The following ZNRF3 variants were observed in gnomAD, a reference collection of about 807,000 sequenced individuals.
The protein encoded by ZNRF3 is E3 ubiquitin-protein ligase ZNRF3.
A neutral mutation model predicts 72.5 loss-of-function variants in ZNRF3; 23 were observed. The observed-to-expected ratio is 0.32, with a 90% confidence interval of 0.23 to 0.45. The LOEUF (loss-of-function observed/expected upper bound fraction) is 0.45. ZNRF3 is among the 20% of genes least tolerant of loss of function. The pLI is 1.00. For synonymous variants in ZNRF3, 610 were observed against 545.3 expected, an observed-to-expected ratio of 1.12 and a Z score of -1.65; for missense variants, 1,169 against 1,272.1, an observed-to-expected ratio of 0.92 and a Z score of 1.23.
At chr22:28,913,270 G>C (rs1337354679) in intron 1 of ZNRF3, among the ~76,000 whole-genome samples, 1 of 152,248 alleles carries the variant, frequency 6.6e-6, no homozygotes, top group Non-Finnish European at 1.5e-5. Context: ...TTTTCTCTTA[G>C]AGATATATTC....
chr22:28,934,356 T>A (rs536601363), intron 1 of ZNRF3, among the ~76,000 whole-genome samples: 1 of 152,354 alleles, frequency 6.6e-6, no homozygotes, highest in Non-Finnish European at 1.5e-5. Context: ...CAAAAGCCAT[T>A]CATTGATAGC....
chr22:28,975,085 A>C (rs2035645111), intron 1 of ZNRF3, among the ~76,000 whole-genome samples: 1 of 152,012 alleles, frequency 6.6e-6, no homozygotes, highest in Non-Finnish European at 1.5e-5. Context: ...CTAAGTTTTC[A>C]CAGTTTAGAG....
At chr22:29,042,317 A>T (rs944384197) in intron 2 of ZNRF3, among the ~76,000 whole-genome samples, 178 bp from the exon 3 acceptor site, 11 of 152,224 alleles carry the variant, frequency 7.2e-5, no homozygotes, top group Admixed American at 6.5e-5. Context: ...TCTAGTCATC[A>T]GTCCCCTTCT....
intron 1 of ZNRF3, among the ~76,000 whole-genome samples, chr22:28,964,782 A>G (rs958766745): frequency 1.3e-5 from 2 of 152,258 alleles, no homozygotes; most frequent in African/African-American, 4.8e-5. Context: ...GGCATCCCGC[A>G]GCTCACGCTG....
At chr22:29,002,869 G>A (rs889692363) in intron 2 of ZNRF3, among the ~76,000 whole-genome samples, 2 of 152,198 alleles carry the variant, frequency 1.3e-5, no homozygotes, top group South Asian at 4.1e-4. Context: ...ATAGACAGGC[G>A]CACATGGCAG....
chr22:29,005,781 A>C (rs1433128456), intron 2 of ZNRF3, among the ~76,000 whole-genome samples: 1 of 152,172 alleles, frequency 6.6e-6, no homozygotes, highest in Non-Finnish European at 1.5e-5. Flanking sequence ...CTGGAATTAA[A>C]AGGTGACTGT....
In ZNRF3 at chr22:29,030,029, G is replaced by A. The variant is rs1335340442; in HGVS notation, c.427-12466G>A. ...ACTCAACCAAGATAACGACTTCCAG[G>A]TTCTTCCAAAAGCTTATCTTCCAGG... On this transcript the variant is annotated intron_variant, in intron 2 of 8. Transcript: ENST00000544604. The surrounding 1 kb of genome is among the most constrained non-coding windows in gnomAD (Gnocchi z 4.2). 6.6e-6 allele frequency among the ~76,000 whole-genome samples: 1 copy of A among 152,186 alleles called. No individual in the cohort carries two copies. The highest frequency in any genetic ancestry group is 1.5e-5 in the Non-Finnish European group (1 of 68,038).
At chr22:28,937,191 ATATATATATATATATATATATATAT>A (rs2034838907) in intron 1 of ZNRF3, among the ~76,000 whole-genome samples, 1 of 5,394 alleles carries the variant, frequency 1.9e-4, no homozygotes, top group African/African-American at 2.4e-4. Context: ...ATATATATAT[ATATATATATATATATATATATATAT>A]TTTTTTTTTT....
In ZNRF3 at chr22:28,937,199, ATATATATATATATATATTTTTTT is replaced by A. The variant is rs1411778208; in HGVS notation, c.301-49875_301-49853del. 5.2e-3 allele frequency among the ~76,000 whole-genome samples: 32 copies of A among 6,204 alleles called. 1 individual carries two copies. Among genetic ancestry groups the A allele is most frequent in the East Asian group, 0.023 (7 of 310 alleles). The allele number at this position is 6,204 out of a possible 152,430, so 4.1% of individuals were successfully genotyped here. On this transcript the variant is annotated intron_variant, in intron 1 of 8. Coordinates refer to ENST00000544604, the MANE Select transcript of ZNRF3 (RefSeq NM_001206998.2). ...AATATATATATATATATATATATAT[ATATATATATATATATATTTTTTT>A]TTTTTTTTTTTTTTTTAACAAAAGG...
chr22:28,937,329 T>C (rs1213012357), intron 1 of ZNRF3, among the ~76,000 whole-genome samples: 1 of 150,946 alleles, frequency 6.6e-6, no homozygotes, highest in Non-Finnish European at 1.5e-5. Flanking sequence ...AAGCTGGCTT[T>C]AGTGGTGGCT....
intron 1 of ZNRF3, among the ~76,000 whole-genome samples, chr22:28,885,062 G>C (rs1434275086): frequency 6.6e-6 from 1 of 152,160 alleles, no homozygotes; most frequent in East Asian, 1.9e-4. Context: ...TGGGGTGATC[G>C]GATGTCTGCA....
At chr22:28,888,581 T>C (rs2033831229) in intron 1 of ZNRF3, among the ~76,000 whole-genome samples, 1 of 152,252 alleles carries the variant, frequency 6.6e-6, no homozygotes, top group African/African-American at 2.4e-5. Flanking sequence ...CTAGTACAAT[T>C]CTGAATAGGA....
At chr22:29,003,830 C>CA (rs201083162) in intron 2 of ZNRF3, among the ~76,000 whole-genome samples, 3,102 of 150,858 alleles carry the variant, frequency 0.021, 114 homozygotes, top group African/African-American at 0.072. Flanking sequence ...GACCCTGTCT[C>CA]AAAAAAAAAG....
chr22:28,918,672 C>CA (rs1332424254), intron 1 of ZNRF3, among the ~76,000 whole-genome samples: 10 of 152,250 alleles, frequency 6.6e-5, no homozygotes, highest in Non-Finnish European at 1.2e-4. Flanking sequence ...CCTTTGAAGG[C>CA]ACTTTTCCCT....
intron 1 of ZNRF3, among the ~76,000 whole-genome samples, chr22:28,908,415 A>C (rs1220581876): frequency 6.6e-6 from 1 of 152,204 alleles, no homozygotes; most frequent in Non-Finnish European, 1.5e-5. Context: ...ATCTTGAACT[A>C]GCGTTGGGCC....
intron 1 of ZNRF3, among the ~76,000 whole-genome samples, chr22:28,957,275 T>A (rs2035278387): frequency 6.6e-6 from 1 of 152,202 alleles, no homozygotes; most frequent in Non-Finnish European, 1.5e-5. Context: ...AGGATTATCA[T>A]CTAGAACCAC....
intron 2 of ZNRF3, among the ~76,000 whole-genome samples, chr22:29,027,341 C>T (rs948282651): frequency 5.9e-5 from 9 of 152,038 alleles, no homozygotes; most frequent in Admixed American, 1.3e-4. Context: ...CTCCGCCTCC[C>T]GGGTTCAAGT....
intron 1 of ZNRF3, among the ~76,000 whole-genome samples, chr22:28,892,166 G>T (rs1005376129): frequency 6.6e-6 from 1 of 152,230 alleles, no homozygotes; most frequent in Non-Finnish European, 1.5e-5. Context: ...TACCACGAGT[G>T]CTACATGCCT....
At chr22:29,044,940 A>C (rs749339134) in intron 5 of ZNRF3, 50 bp downstream of exon 5, 1 of 1,321,554 alleles carries the variant, frequency 7.6e-7, no homozygotes, top group Non-Finnish European at 1.1e-6. Flanking sequence ...TTGCCGTGAC[A>C]CTGGGGAAAA....
Sources: gnomAD v4.1 joint callset for allele counts (sites outside exome capture counted in the v4.1 genomes callset) on GRCh38, gnomAD v4.1.1 for gene constraint, Gnocchi (gnomAD v3.1) non-coding constraint, MANE v1.5 for transcripts, NCBI Gene and HGNC (gene_info 2026-07-23, HGNC 2026-07-21) for gene names.